ZNF804B: variants seen among roughly 807,000 people sequenced by gnomAD.
ZNF804B encodes zinc finger 804B.
In ZNF804B, 80 loss-of-function variants were observed where a neutral mutation model predicts 101.4. The ratio of observed to expected loss-of-function variants is 0.79; its 90% CI spans 0.66 to 0.95. The LOEUF is 0.95. ZNF804B is among the 40% of genes least tolerant of loss of function. ZNF804B has a pLI of 0.00. For missense variants in ZNF804B, 1,673 were observed against 1,561.9 expected (o/e 1.07, Z -1.20); for synonymous variants, 622 against 558.8 (o/e 1.11, Z -1.59).
chr7:88,850,949 T>G (rs1791443497), intron 1 of ZNF804B, among the ~76,000 whole-genome samples: 1 of 152,110 alleles, frequency 6.6e-6, no homozygotes. Context: ...ATGAAAGATT[T>G]TTTAAAAGAT....
At chr7:89,003,838 C>G (rs1438961592) in intron 1 of ZNF804B, among the ~76,000 whole-genome samples, 1 of 151,828 alleles carries the variant, frequency 6.6e-6, no homozygotes, top group Non-Finnish European at 1.5e-5. Flanking sequence ...CAGGTGAAAA[C>G]CCATGCCTTT....
intron 1 of ZNF804B, among the ~76,000 whole-genome samples, chr7:88,967,610 G>GT (rs36191455): frequency 0.34 from 51,695 of 149,992 alleles, 9,107 homozygotes; most frequent in East Asian, 0.42. Context: ...TAGAACAATA[G>GT]TAAAACACCG....
intron 1 of ZNF804B, among the ~76,000 whole-genome samples, chr7:88,790,960 T>C (rs1335090343): frequency 6.6e-6 from 1 of 152,120 alleles, no homozygotes; most frequent in East Asian, 1.9e-4. Context: ...CAGTGACCTA[T>C]ATAAGTATCT....
intron 1 of ZNF804B, among the ~76,000 whole-genome samples, chr7:89,068,945 C>A (rs188625014): frequency 1.3e-5 from 2 of 152,268 alleles, no homozygotes; most frequent in Admixed American, 6.5e-5. Flanking sequence ...GGGGAAGGGG[C>A]CAGTGCCTCT....
At position 88,969,264 on chromosome 7, in the gene ZNF804B, T is replaced by C. The variant is rs185566396; in HGVS notation, c.108+209180T>C. On this transcript the variant is annotated intron_variant, in intron 1 of 3. Transcript: ENST00000333190. The stretch of plus-strand genomic sequence containing the variant: ...AGTCTTAGTCACTCTCTTGTTGTTA[T>C]AGCAGTGCATAGCTTTTAAAAGTGA... 6.6e-5 allele frequency among the ~76,000 whole-genome samples: 10 copies of C among 151,760 alleles called. No individual in the cohort carries two copies. The East Asian group carries it at 1.6e-3, about 24-fold the overall frequency.
intron 1 of ZNF804B, among the ~76,000 whole-genome samples, chr7:88,945,741 TTGTTTG>T (rs752981097): frequency 3.9e-4 from 59 of 152,154 alleles, no homozygotes; most frequent in Non-Finnish European, 7.1e-4. Context: ...ATTTTTCCAT[TTGTTTG>T]TGTCCTCTCA....
intron 1 of ZNF804B, among the ~76,000 whole-genome samples, chr7:89,049,340 G>A (rs1584095105): frequency 6.6e-6 from 1 of 152,148 alleles, no homozygotes; most frequent in Non-Finnish European, 1.5e-5. Context: ...TGAGAAGTGT[G>A]AATGATCTTA....
At chr7:88,926,432 CAA>C (rs34926325) in intron 1 of ZNF804B, among the ~76,000 whole-genome samples, 2 of 135,010 alleles carry the variant, frequency 1.5e-5, no homozygotes, top group Admixed American at 7.4e-5. Context: ...ATTAAAAATA[CAA>C]AAAAAAAAAA....
At chr7:88,965,131 T>G (rs1283629271) in intron 1 of ZNF804B, among the ~76,000 whole-genome samples, 2 of 151,498 alleles carry the variant, frequency 1.3e-5, no homozygotes, top group East Asian at 2.0e-4. Context: ...GATAATTTTC[T>G]TGGTAAAACA....
At chr7:88,817,913 AT>A (rs1790911828) in intron 1 of ZNF804B, among the ~76,000 whole-genome samples, 1 of 152,084 alleles carries the variant, frequency 6.6e-6, no homozygotes, top group Non-Finnish European at 1.5e-5. Flanking sequence ...CTCTTTATAG[AT>A]TTTTGTGGGG....
At chr7:88,925,068 A>G (rs1405036170) in intron 1 of ZNF804B, among the ~76,000 whole-genome samples, 3 of 152,144 alleles carry the variant, frequency 2.0e-5, no homozygotes, top group Non-Finnish European at 4.4e-5. Flanking sequence ...GTTTGTAGTA[A>G]TATAGGCACT....
chr7:89,062,438 A>C (rs1410392570), intron 1 of ZNF804B, among the ~76,000 whole-genome samples: 2 of 150,948 alleles, frequency 1.3e-5, no homozygotes, highest in Admixed American at 1.3e-4. Flanking sequence ...AAGAGTTAGC[A>C]CTCCTCTCTG....
At chr7:88,939,158 AC>A (rs557187600) in intron 1 of ZNF804B, among the ~76,000 whole-genome samples, 4 of 151,758 alleles carry the variant, frequency 2.6e-5, no homozygotes, top group South Asian at 2.1e-4. Context: ...GTTTTCAGGA[AC>A]CCCCCTGGGA....
At chr7:88,816,968 A>G (rs569228975) in intron 1 of ZNF804B, among the ~76,000 whole-genome samples, 1 of 150,654 alleles carries the variant, frequency 6.6e-6, no homozygotes, top group Admixed American at 6.7e-5. Flanking sequence ...AATAGCAAAG[A>G]CTTGGAACCA....
intron 1 of ZNF804B, among the ~76,000 whole-genome samples, chr7:88,842,300 A>G (rs1791302063): frequency 6.6e-6 from 1 of 152,008 alleles, no homozygotes. Flanking sequence ...GCTCCCACTC[A>G]CTCTGCTTCA....
At position 89,079,110 on chromosome 7, in the gene ZNF804B, T is replaced by G. The variant is rs1457473734; in HGVS notation, c.109-139045T>G. 2.0e-5 allele frequency among the ~76,000 whole-genome samples: 3 copies of G among 152,086 alleles called. No individual in the cohort carries two copies. The East Asian group carries it at 5.8e-4, about 29-fold the overall frequency. On this transcript the variant is annotated intron_variant, in intron 1 of 3. Coordinates refer to ENST00000333190, the MANE Select transcript of ZNF804B (RefSeq NM_181646.5). Reference sequence around the variant, plus strand: ...ATTCCCAGTGATTTGTCAAGATATGTGTATCCATTTAGCAACAAATAAATT... The same window carrying G: ...ATTCCCAGTGATTTGTCAAGATATGGGTATCCATTTAGCAACAAATAAATT...
chr7:89,133,341 C>T (rs1440699953), intron 1 of ZNF804B, among the ~76,000 whole-genome samples: 2 of 151,976 alleles, frequency 1.3e-5, no homozygotes, highest in South Asian at 2.1e-4. Context: ...TTAAGTATGA[C>T]TCTTGTTTGT....
intron 2 of ZNF804B, among the ~76,000 whole-genome samples, chr7:89,225,988 G>A (rs554842958): frequency 4.6e-5 from 7 of 152,204 alleles, no homozygotes; most frequent in Admixed American, 2.6e-4. Flanking sequence ...GACAATGAGG[G>A]AAGAGAAAGG....
At chr7:89,107,022 A>G (rs1316465536) in intron 1 of ZNF804B, among the ~76,000 whole-genome samples, 1 of 152,094 alleles carries the variant, frequency 6.6e-6, no homozygotes, top group Admixed American at 6.6e-5. Flanking sequence ...ATCTATGGAG[A>G]TGTTATTACA....
Sources: gnomAD v4.1 joint callset for allele counts (sites outside exome capture counted in the v4.1 genomes callset) on GRCh38, gnomAD v4.1.1 for gene constraint, MANE v1.5 for transcripts, NCBI Gene and HGNC (gene_info 2026-07-23, HGNC 2026-07-21) for gene names.